The following HYDIN variants were observed in gnomAD, a reference collection of about 807,000 sequenced individuals.
HYDIN encodes HYDIN axonemal central pair apparatus protein.
HYDIN carries 132 observed loss-of-function variants against 403.9 expected under a neutral mutation model. The observed-to-expected ratio is 0.33, with a 90% CI of 0.28 to 0.38. The LOEUF is 0.38. HYDIN is among the 10% of genes least tolerant of loss of function. The pLI is 1.00. For synonymous variants in HYDIN, 1,202 were observed against 1,891.7 expected (o/e 0.64, Z 9.46); for missense variants, 2,827 against 5,009.5 (o/e 0.56, Z 13.15).
intron 65 of HYDIN, among the ~76,000 whole-genome samples, chr16:70,871,008 G>A (rs970176710): frequency 6.6e-6 from 1 of 152,170 alleles, no homozygotes; most frequent in Non-Finnish European, 1.5e-5. Flanking sequence ...TCCAGCCTGG[G>A]TGACCGAGTG....
intron 1 of HYDIN, among the ~76,000 whole-genome samples, chr16:71,202,572 T>G (rs1226479928): frequency 2.0e-5 from 3 of 152,162 alleles, no homozygotes; most frequent in Non-Finnish European, 4.4e-5. Context: ...CCTGAGCATA[T>G]TAATTTCTTT....
intron 10 of HYDIN, among the ~76,000 whole-genome samples, chr16:71,107,977 C>T (rs2144431641): frequency 6.6e-6 from 1 of 152,274 alleles, no homozygotes; most frequent in East Asian, 1.9e-4. Context: ...CTACAAAATA[C>T]TACGCAGCCA....
At chr16:70,928,560 G>T (rs2077224980) in intron 45 of HYDIN, among the ~76,000 whole-genome samples, 2 of 148,526 alleles carry the variant, frequency 1.3e-5, no homozygotes, top group African/African-American at 4.9e-5. Context: ...ACACTTGAAG[G>T]TGATGGCTGA....
chr16:71,083,632 G>C (rs2082849316), intron 12 of HYDIN, among the ~76,000 whole-genome samples: 1 of 149,312 alleles, frequency 6.7e-6, no homozygotes, highest in African/African-American at 2.5e-5. Context: ...TTGATTTTCT[G>C]TTGTTTCAGT....
Position 70,833,596 on chromosome 16 carries a change from G to T in HYDIN, c.13679+291C>A, listed in dbSNP as rs549289111. On this transcript the variant is annotated intron_variant, in intron 79 of 85. Transcript: ENST00000393567. ...GGGCACTCGCTTATCTGTGAAATGGGTTGGTAGCAGTCTTGGTCTCATAGA... is the reference window on the plus strand; with the variant it reads ...GGGCACTCGCTTATCTGTGAAATGGTTTGGTAGCAGTCTTGGTCTCATAGA... 4.5e-5 allele frequency among the ~76,000 whole-genome samples: 6 copies of T among 134,116 alleles called. No homozygotes were observed. In the South Asian group the frequency reaches 1.5e-3, roughly 34 times the overall value. 88.0% of individuals were successfully genotyped at this position (134,116 alleles called of 152,430 possible).
chr16:71,015,662 TG>T (rs2080233723), intron 23 of HYDIN, among the ~76,000 whole-genome samples: 1 of 151,516 alleles, frequency 6.6e-6, no homozygotes, highest in Admixed American at 6.6e-5. Context: ...CATCGTTAGA[TG>T]TCTACGGAAA....
chr16:71,151,077 A>G (rs1399781587), intron 7 of HYDIN, among the ~76,000 whole-genome samples: 1 of 152,178 alleles, frequency 6.6e-6, no homozygotes, highest in Non-Finnish European at 1.5e-5. Flanking sequence ...TAGAACTCTC[A>G]TGCCTTGCTG....
intron 7 of HYDIN, among the ~76,000 whole-genome samples, chr16:71,143,422 C>T (rs1469402257): frequency 1.3e-5 from 2 of 152,172 alleles, no homozygotes; most frequent in Non-Finnish European, 2.9e-5. Context: ...TTGCTATGAA[C>T]TTATAGAAAC....
intron 6 of HYDIN, among the ~76,000 whole-genome samples, chr16:71,161,258 C>A (rs1400433954): frequency 6.6e-6 from 1 of 151,828 alleles, no homozygotes; most frequent in South Asian, 2.1e-4. Context: ...TCTAATGCCG[C>A]GGCTGATCTG....
chr16:70,926,389 C>G (rs577856038), intron 45 of HYDIN, among the ~76,000 whole-genome samples: 1 of 151,752 alleles, frequency 6.6e-6, no homozygotes, highest in African/African-American at 2.4e-5. Flanking sequence ...CATGTTCTCA[C>G]TCATAGGTGG....
chr16:71,115,070 G>C (rs914153726), intron 10 of HYDIN, among the ~76,000 whole-genome samples: 2 of 150,780 alleles, frequency 1.3e-5, no homozygotes, highest in African/African-American at 4.9e-5. Context: ...AAGAGCCATG[G>C]TCCCTGATAT....
chr16:71,031,807 C>G lies in HYDIN; in HGVS notation c.2640G>C (p.Lys880Asn). 1 of 1,255,566 alleles carries G rather than the reference C, an allele frequency of 8.0e-7. No individual in the cohort carries two copies. The highest frequency in any genetic ancestry group is 1.2e-5 in the South Asian group (1 of 83,504). 77.8% of individuals were successfully genotyped at this position (1,255,566 alleles called of 1,614,324 possible). A position where few individuals can be genotyped will look rare whatever the true frequency, so the allele number is the denominator to read the frequency against. ...TANLNDTLTF[K>N]DCVILDIENS... Reference sequence around the variant, plus strand: ...TTTCAATGTCCAAAATAACACAGTCCTTGAATGTCAGTGTGTCATTCAGGT... The same window carrying G: ...TTTCAATGTCCAAAATAACACAGTCGTTGAATGTCAGTGTGTCATTCAGGT... Residue 880 changes from lysine (K) to asparagine (N), a missense_variant, in exon 19 of 86, where the codon AAG (lysine) becomes AAC (asparagine). Transcript: ENST00000393567.
At chr16:70,930,797 C>A (rs1432410244) in intron 45 of HYDIN, among the ~76,000 whole-genome samples, 1 of 152,102 alleles carries the variant, frequency 6.6e-6, no homozygotes, top group African/African-American at 2.4e-5. Context: ...GTCTGTTAAA[C>A]CTAAAATATC....
chr16:70,809,739 G>A (rs536849021), intron 85 of HYDIN, 44 bp downstream of exon 85: 23 of 1,450,830 alleles, frequency 1.6e-5, no homozygotes, highest in South Asian at 1.0e-4. Flanking sequence ...TGAACCCAGC[G>A]TTCATGTGAG....
At chr16:71,042,322 T>C (rs2081309843) in intron 18 of HYDIN, among the ~76,000 whole-genome samples, 1 of 152,198 alleles carries the variant, frequency 6.6e-6, no homozygotes, top group Admixed American at 6.5e-5. Context: ...GTCAGTTCTT[T>C]TAGCCTTTGC....
intron 9 of HYDIN, among the ~76,000 whole-genome samples, chr16:71,117,883 G>C (rs1218105541): frequency 1.3e-5 from 2 of 151,980 alleles, no homozygotes; most frequent in Non-Finnish European, 2.9e-5. Flanking sequence ...TGCAGGCAGT[G>C]TCTTTCCTAA....
chr16:71,211,641 C>CAA (rs548855002), intron 1 of HYDIN, among the ~76,000 whole-genome samples: 2 of 49,952 alleles, frequency 4.0e-5, no homozygotes, highest in African/African-American at 6.1e-5. Flanking sequence ...GACTCCATCT[C>CAA]AAAAAAAAAA....
intron 2 of HYDIN, 32 bp downstream of exon 2, chr16:71,186,728 AG>A: frequency 1.9e-6 from 3 of 1,568,340 alleles, no homozygotes; most frequent in Non-Finnish European, 2.6e-6. Flanking sequence ...GATTGCATTA[AG>A]TATTTTACAT....
chr16:71,129,892 C>G (rs1333393627), intron 8 of HYDIN, 69 bp from the exon 9 acceptor site: 2 of 1,547,460 alleles, frequency 1.3e-6, no homozygotes, highest in African/African-American at 1.4e-5. Context: ...GGGCTTCCCT[C>G]TAGTACCTCC....
Sources: allele counts gnomAD v4.1 joint callset (sites outside exome capture counted in the v4.1 genomes callset), GRCh38; gene constraint gnomAD v4.1.1; transcripts MANE v1.5; gene names NCBI Gene and HGNC (gene_info 2026-07-23, HGNC 2026-07-21).